The following KCNIP4 variants were observed in gnomAD, a reference collection of about 807,000 sequenced individuals.
KCNIP4 encodes the protein Kv channel-interacting protein 4.
Under a neutral mutation model 34.0 loss-of-function variants are expected in KCNIP4, and 12 were observed. The observed-to-expected ratio is 0.35, with a 90% CI of 0.23 to 0.57. KCNIP4 has a LOEUF of 0.57. Among genes scored for constraint, KCNIP4 ranks in the 20% least tolerant of loss-of-function variants. The probability of loss-of-function intolerance (pLI) is 0.83; values close to 1 mark genes in which losing one functional copy is unlikely to be tolerated. For synonymous variants in KCNIP4, 124 were observed against 102.2 expected (o/e 1.21, Z -1.29); for missense variants, 238 against 311.7 (o/e 0.76, Z 1.78).
chr4:21,771,182 G>A (rs1478542397), intron 1 of KCNIP4, among the ~76,000 whole-genome samples: 2 of 151,996 alleles, frequency 1.3e-5, no homozygotes, highest in Non-Finnish European at 2.9e-5. Context: ...TCCCAGCACC[G>A]TTTACTGAAT....
intron 1 of KCNIP4, among the ~76,000 whole-genome samples, chr4:20,923,720 C>A (rs113980598): frequency 1.3e-5 from 2 of 152,086 alleles, no homozygotes; most frequent in Non-Finnish European, 2.9e-5. Context: ...GTACGTGGTC[C>A]GATTTAAGCC....
chr4:21,472,910 A>G (rs1730589770), intron 1 of KCNIP4, among the ~76,000 whole-genome samples: 2 of 152,230 alleles, frequency 1.3e-5, no homozygotes, highest in East Asian at 1.9e-4. Context: ...GCTCATAGCT[A>G]GCATTAGCCA....
chr4:20,987,188 G>C (rs1736656605), intron 1 of KCNIP4, among the ~76,000 whole-genome samples: 2 of 152,162 alleles, frequency 1.3e-5, no homozygotes, highest in Admixed American at 6.5e-5. Context: ...TTAGGAGTTT[G>C]AGACCAGTCT....
At chr4:21,079,006 C>T (rs1413532658) in intron 1 of KCNIP4, among the ~76,000 whole-genome samples, 1 of 152,006 alleles carries the variant, frequency 6.6e-6, no homozygotes, top group Non-Finnish European at 1.5e-5. Flanking sequence ...GCCAAATTGC[C>T]CCACAATCCA....
intron 1 of KCNIP4, among the ~76,000 whole-genome samples, chr4:21,832,766 G>C (rs1470274728): frequency 8.5e-6 from 1 of 117,102 alleles, no homozygotes; most frequent in African/African-American, 3.3e-5. Context: ...ACAGTCCCCA[G>C]AGTGTGATGT....
chr4:21,818,783 A>C (rs991004148), intron 1 of KCNIP4, among the ~76,000 whole-genome samples: 3 of 152,224 alleles, frequency 2.0e-5, no homozygotes, highest in African/African-American at 7.2e-5. Context: ...AGCTTTAATC[A>C]AACAAATGCT....
At chr4:21,636,042 A>G (rs111427559) in intron 1 of KCNIP4, among the ~76,000 whole-genome samples, 10,401 of 151,058 alleles carry the variant, frequency 0.069, 437 homozygotes, top group Non-Finnish European at 0.098. Context: ...CACAAGAACA[A>G]AAAACCAAAC....
chr4:21,031,930 T>G (rs1276930084), intron 1 of KCNIP4, among the ~76,000 whole-genome samples: 2 of 152,244 alleles, frequency 1.3e-5, no homozygotes, highest in East Asian at 3.8e-4. Flanking sequence ...TTCTCAATTC[T>G]GCAATGTAAC....
At chr4:21,409,352 A>G (rs1034662660) in intron 1 of KCNIP4, among the ~76,000 whole-genome samples, 1 of 152,086 alleles carries the variant, frequency 6.6e-6, no homozygotes, top group Non-Finnish European at 1.5e-5. Context: ...TCCTGGCCTC[A>G]AGTGATCCTC....
intron 1 of KCNIP4, among the ~76,000 whole-genome samples, chr4:21,171,397 C>G (rs1390420809): frequency 1.3e-5 from 2 of 152,168 alleles, no homozygotes; most frequent in Admixed American, 6.5e-5. Context: ...TTGTTAGAGA[C>G]AGAATACTAA....
intron 1 of KCNIP4, among the ~76,000 whole-genome samples, chr4:21,238,223 T>C (rs376109317): frequency 0.021 from 3,143 of 152,182 alleles, 51 homozygotes; most frequent in Non-Finnish European, 0.03. Context: ...ATTGATGGGA[T>C]GTATCTCAAA....
At position 21,773,738 on chromosome 4, in the gene KCNIP4, T is replaced by TTTG. The variant is rs1175830400; in HGVS notation, c.61+174832_61+174833insCAA. ...GACTAGCATTGCAACCCCTGTTTTT[T>TTTG]TTTGTTGTTTTTTTTTTTTTGTTTG... On this transcript the variant is annotated intron_variant, in intron 1 of 8. Transcript: ENST00000382152. Among the ~76,000 whole-genome samples the TTTG allele has an allele frequency of 1.2e-3, 23 of 18,982 alleles. 2 individuals carry two copies. The highest frequency in any genetic ancestry group is 8.4e-3 in the African/African-American group (23 of 2,726). 12.5% of individuals were successfully genotyped at this position (18,982 alleles called of 152,430 possible).
intron 5 of KCNIP4, among the ~76,000 whole-genome samples, chr4:20,738,412 G>T (rs968324274): frequency 5.3e-5 from 8 of 152,002 alleles, no homozygotes; most frequent in African/African-American, 1.9e-4. Flanking sequence ...AAGATTTATG[G>T]GACCTACTCC....
chr4:21,716,340 G>T (rs534747482), intron 1 of KCNIP4, among the ~76,000 whole-genome samples: 3 of 152,046 alleles, frequency 2.0e-5, no homozygotes, highest in Admixed American at 2.0e-4. Context: ...GGGTTCAAGC[G>T]ATTCTTCTGC....
At chr4:20,749,153 T>TCTC (rs369683632) in intron 5 of KCNIP4, among the ~76,000 whole-genome samples, 2 of 146,668 alleles carry the variant, frequency 1.4e-5, no homozygotes, top group African/African-American at 5.0e-5. Context: ...GCGAGACTCT[T>TCTC]TCAAAAAAAA....
intron 1 of KCNIP4, among the ~76,000 whole-genome samples, chr4:21,221,643 T>G (rs1284417083): frequency 6.6e-6 from 1 of 152,234 alleles, no homozygotes; most frequent in South Asian, 2.1e-4. Flanking sequence ...GGATTGCAAT[T>G]CAAGATGATA....
chr4:21,291,869 AAGAAAG>A (rs1560259805), intron 1 of KCNIP4, among the ~76,000 whole-genome samples: 9 of 11,770 alleles, frequency 7.6e-4, no homozygotes, highest in Admixed American at 1.1e-3. Context: ...AAAAAAAAAA[AAGAAAG>A]AAAGAAAGAA....
chr4:21,382,643 C>T (rs1387073570), intron 1 of KCNIP4, among the ~76,000 whole-genome samples: 1 of 152,170 alleles, frequency 6.6e-6, no homozygotes, highest in African/African-American at 2.4e-5. Flanking sequence ...AACATCTACA[C>T]CTGCAGTAGC....
intron 1 of KCNIP4, among the ~76,000 whole-genome samples, chr4:21,256,418 T>TAA (rs35912916): frequency 0.31 from 36,717 of 120,380 alleles, 5,374 homozygotes; most frequent in Middle Eastern, 0.35. Flanking sequence ...CATCCCTGCT[T>TAA]AAAAAAAAAA....
Sources: allele counts gnomAD v4.1 joint callset (sites outside exome capture counted in the v4.1 genomes callset), GRCh38; gene constraint gnomAD v4.1.1; transcripts MANE v1.5; gene names NCBI Gene and HGNC (gene_info 2026-07-23, HGNC 2026-07-21).